Variants in CCSER1 observed in about 807,000 individuals in gnomAD.
CCSER1 encodes coiled-coil serine rich protein 1, also known as serine-rich coiled-coil domain-containing protein 1.
In CCSER1, 41 loss-of-function variants were observed where a neutral mutation model predicts 82.0. That is an observed-to-expected ratio of 0.50 (90% CI 0.39 to 0.65). The LOEUF (loss-of-function observed/expected upper bound fraction) is 0.65. Ranked by LOEUF, CCSER1 falls within the 30% of genes least tolerant of loss-of-function variation. CCSER1 has a pLI of 0.00. For synonymous variants in CCSER1, 414 were observed against 383.9 expected (o/e 1.08, Z -0.92); for missense variants, 1,119 against 1,064.2 (o/e 1.05, Z -0.72).
At chr4:90,717,124 T>A (rs1285475357) in intron 6 of CCSER1, among the ~76,000 whole-genome samples, 1 of 152,180 alleles carries the variant, frequency 6.6e-6, no homozygotes, top group Non-Finnish European at 1.5e-5. Context: ...ATTTGAGCTT[T>A]GTTTAAATAA....
At chr4:90,747,760 T>A (rs1336743965) in intron 7 of CCSER1, among the ~76,000 whole-genome samples, 2 of 150,082 alleles carry the variant, frequency 1.3e-5, no homozygotes, top group Non-Finnish European at 3.0e-5. Context: ...CAGTAACTCA[T>A]CATCTAGCAT....
At chr4:91,274,448 T>C (rs1040192071) in intron 10 of CCSER1, among the ~76,000 whole-genome samples, 1 of 152,178 alleles carries the variant, frequency 6.6e-6, no homozygotes, top group African/African-American at 2.4e-5. Context: ...TGTATGTTTA[T>C]ACCCATTAAC....
chr4:90,205,863 C>T (rs990629510), intron 1 of CCSER1, among the ~76,000 whole-genome samples: 1 of 152,086 alleles, frequency 6.6e-6, no homozygotes, highest in Non-Finnish European at 1.5e-5. Context: ...TAATTACTGC[C>T]TCAATTTCAG....
intron 8 of CCSER1, among the ~76,000 whole-genome samples, chr4:90,906,490 T>C (rs895103653): frequency 6.6e-6 from 1 of 152,180 alleles, no homozygotes; most frequent in African/African-American, 2.4e-5. Flanking sequence ...AATGAATGAC[T>C]GTCTTGGAGA....
chr4:91,411,399 CT>C (rs1385214030), intron 10 of CCSER1, among the ~76,000 whole-genome samples: 1 of 148,750 alleles, frequency 6.7e-6, no homozygotes, highest in African/African-American at 2.5e-5. Flanking sequence ...CTAACCTATT[CT>C]GCAAGGGTTT....
chr4:91,047,851 A>G (rs1247817373), intron 9 of CCSER1, among the ~76,000 whole-genome samples: 1 of 152,162 alleles, frequency 6.6e-6, no homozygotes, highest in African/African-American at 2.4e-5. Context: ...TCAAATCCTC[A>G]AGAATCTTAA....
At chr4:90,875,366 A>G (rs1293633873) in intron 8 of CCSER1, among the ~76,000 whole-genome samples, 1 of 152,192 alleles carries the variant, frequency 6.6e-6, no homozygotes, top group African/African-American at 2.4e-5. Flanking sequence ...ATATCCATAA[A>G]TAATGGAGGA....
At chr4:91,157,313 A>C (rs979650839) in intron 10 of CCSER1, among the ~76,000 whole-genome samples, 1 of 151,986 alleles carries the variant, frequency 6.6e-6, no homozygotes, top group Non-Finnish European at 1.5e-5. Flanking sequence ...TGTAAGTTGA[A>C]ATTAAGAAGT....
intron 10 of CCSER1, among the ~76,000 whole-genome samples, chr4:91,459,942 A>C (rs776225080): frequency 2.6e-5 from 4 of 152,088 alleles, no homozygotes; most frequent in Non-Finnish European, 5.9e-5. Context: ...CCATTGACTA[A>C]GAAAAAAGCC....
At chr4:90,948,253 C>G (rs1732494629) in intron 9 of CCSER1, among the ~76,000 whole-genome samples, 1 of 151,732 alleles carries the variant, frequency 6.6e-6, no homozygotes, top group Admixed American at 6.6e-5. Context: ...TAGCATTACC[C>G]AAAATCTGTT....
intron 10 of CCSER1, among the ~76,000 whole-genome samples, chr4:91,183,673 C>G (rs1734255292): frequency 6.6e-6 from 1 of 152,166 alleles, no homozygotes; most frequent in Admixed American, 6.5e-5. Flanking sequence ...AAAAGCTACT[C>G]TACTAAGTCC....
intron 10 of CCSER1, among the ~76,000 whole-genome samples, chr4:91,508,421 T>C (rs1025402933): frequency 6.6e-6 from 1 of 151,872 alleles, no homozygotes; most frequent in East Asian, 1.9e-4. Flanking sequence ...TTTTGTATTT[T>C]AGAAAATTTT....
chr4:90,798,918 C>G (rs752531548), intron 7 of CCSER1, among the ~76,000 whole-genome samples: 1 of 152,148 alleles, frequency 6.6e-6, no homozygotes, highest in Non-Finnish European at 1.5e-5. Flanking sequence ...TCACAACACT[C>G]TGATGGGTGG....
At chr4:90,631,499 C>T (rs1285986633) in intron 6 of CCSER1, among the ~76,000 whole-genome samples, 7 of 151,942 alleles carry the variant, frequency 4.6e-5, no homozygotes, top group Non-Finnish European at 1.0e-4. Context: ...TGAAAATATC[C>T]AGAGATAGTA....
At position 91,573,903 on chromosome 4, in the gene CCSER1, C is replaced by T. The variant is rs145964659; in HGVS notation, c.2218-24669C>T. Among the ~76,000 whole-genome samples, 411 of 152,132 alleles carry T rather than the reference C, an allele frequency of 2.7e-3. 1 individual carries two copies. Among genetic ancestry groups the T allele is most frequent in the African/African-American group, 9.4e-3 (392 of 41,510 alleles). On this transcript the variant is annotated intron_variant, in intron 10 of 10. Coordinates refer to ENST00000509176, the MANE Select transcript of CCSER1 (RefSeq NM_001145065.2). ...AAAAAAGAAATTAAGAAAGCAATCC[C>T]ACTTAAAATTGCATCAAAACGAATA...
chr4:90,541,560 C>T (rs1257157063), intron 5 of CCSER1, among the ~76,000 whole-genome samples: 1 of 152,054 alleles, frequency 6.6e-6, no homozygotes, highest in Non-Finnish European at 1.5e-5. Context: ...CCAGGAATGA[C>T]ACATAGCAAA....
chr4:90,462,121 G>GAAATATTTACTGGTTCAGT lies in CCSER1; in HGVS notation c.1604-6095_1604-6077dup, dbSNP rs557661017. Reference sequence around the variant, plus strand: ...AAAAACTTTGTATAGGCACTAAAAAGAAATATTTACTGGTTCAGTAAATAT... The same window carrying GAAATATTTACTGGTTCAGT: ...AAAAACTTTGTATAGGCACTAAAAAGAAATATTTACTGGTTCAGTAAATATTTACTGGTTCAGTAAATAT... On this transcript the variant is annotated intron_variant, in intron 4 of 10. Transcript: ENST00000509176. Among the ~76,000 whole-genome samples the GAAATATTTACTGGTTCAGT allele has an allele frequency of 3.1e-3, 472 of 150,278 alleles. 1 individual carries two copies. The highest frequency in any genetic ancestry group is 0.011 in the African/African-American group (436 of 41,026).
intron 3 of CCSER1, among the ~76,000 whole-genome samples, chr4:90,349,591 C>G (rs1423192713): frequency 1.3e-5 from 2 of 151,998 alleles, no homozygotes; most frequent in African/African-American, 4.8e-5. Context: ...AATCTTCCAT[C>G]CTTTAAAATT....
At chr4:90,359,720 G>C (rs922451924) in intron 3 of CCSER1, among the ~76,000 whole-genome samples, 7 of 151,454 alleles carry the variant, frequency 4.6e-5, no homozygotes, top group African/African-American at 1.5e-4. Context: ...CTGGGCAACA[G>C]AGCAAGACTC....
Sources: gnomAD v4.1 joint callset for allele counts (sites outside exome capture counted in the v4.1 genomes callset) on GRCh38, gnomAD v4.1.1 for gene constraint, MANE v1.5 for transcripts, NCBI Gene and HGNC (gene_info 2026-07-23, HGNC 2026-07-21) for gene names.